The following ADAMTS17 variants were observed in gnomAD, a reference collection of about 807,000 sequenced individuals.
ADAMTS17 encodes the protein ADAM metallopeptidase with thrombospondin type 1 motif 17, also known as A disintegrin and metalloproteinase with thrombospondin motifs 17.
ADAMTS17 carries 113 observed loss-of-function variants against 141.5 expected under a neutral mutation model. The observed-to-expected ratio is 0.80, with a 90% CI of 0.69 to 0.93. The LOEUF (loss-of-function observed/expected upper bound fraction) is 0.93. Ranked by LOEUF, ADAMTS17 falls within the 40% of genes least tolerant of loss-of-function variation. The pLI is 0.00. For synonymous variants in ADAMTS17, 768 were observed against 630.6 expected (o/e 1.22, Z -3.27); for missense variants, 1,659 against 1,517.9 (o/e 1.09, Z -1.54).
At chr15:100,076,327 G>C (rs2034375402) in intron 15 of ADAMTS17, among the ~76,000 whole-genome samples, 1 of 152,206 alleles carries the variant, frequency 6.6e-6, no homozygotes, top group South Asian at 2.1e-4. Flanking sequence ...ACAGGCGTGA[G>C]CCATTGTGCC....
intron 17 of ADAMTS17, among the ~76,000 whole-genome samples, chr15:100,050,233 C>T (rs2032034695): frequency 6.6e-6 from 1 of 152,192 alleles, no homozygotes; most frequent in African/African-American, 2.4e-5. Flanking sequence ...AAAGGATTGC[C>T]ACCAAGCCAA....
At chr15:100,094,421 T>G (rs2035642403) in intron 15 of ADAMTS17, among the ~76,000 whole-genome samples, 1 of 152,250 alleles carries the variant, frequency 6.6e-6, no homozygotes, top group Admixed American at 6.5e-5. Flanking sequence ...GACATTACTG[T>G]GGCCAGATGA....
chr15:100,026,423 G>A (rs953109013), intron 18 of ADAMTS17, among the ~76,000 whole-genome samples: 2 of 152,136 alleles, frequency 1.3e-5, no homozygotes, highest in Non-Finnish European at 2.9e-5. Context: ...TCTTAAATGG[G>A]AGGCTAAAGC....
chr15:100,286,424 C>T (rs991698130), intron 3 of ADAMTS17, among the ~76,000 whole-genome samples: 6 of 152,178 alleles, frequency 3.9e-5, no homozygotes, highest in African/African-American at 7.2e-5. Context: ...CACCCCACAT[C>T]GAAGTGTTGG....
chr15:100,173,282 A>C (rs1266677910), intron 8 of ADAMTS17, among the ~76,000 whole-genome samples: 1 of 151,756 alleles, frequency 6.6e-6, no homozygotes, highest in African/African-American at 2.4e-5. Context: ...TTCACCAGAC[A>C]CTCCCTACAG....
chr15:100,186,860 G>T (rs1170234171), intron 8 of ADAMTS17, among the ~76,000 whole-genome samples: 2 of 152,182 alleles, frequency 1.3e-5, no homozygotes, highest in African/African-American at 4.8e-5. Context: ...AGCCATTCTG[G>T]AATGTTTCCT....
At chr15:100,109,208 G>C (rs1473324389) in intron 13 of ADAMTS17, 92 bp from the exon 14 acceptor site, 5 of 1,535,104 alleles carry the variant, frequency 3.3e-6, no homozygotes, top group Non-Finnish European at 3.5e-6. Context: ...GAAACCCTGA[G>C]GAAGAGAGGT....
chr15:100,281,233 TTCATGACGG>T lies in ADAMTS17; in HGVS notation c.776_784del (p.Thr259_Met261del). ...GGACCCCGGCTCCGGACTCACCATG[TTCATGACGG>T]TCAGGATGAACCTCTGGGCGGCCTC... is the stretch of plus-strand genomic sequence containing the variant. On this transcript the variant is annotated inframe_deletion, in exon 4 of 22. Transcript: ENST00000268070. The T allele has an allele frequency of 6.2e-7, 1 of 1,604,828 alleles. No individual in the cohort carries two copies. The highest frequency in any genetic ancestry group is 8.5e-7 in the Non-Finnish European group (1 of 1,179,952).
At chr15:100,122,632 G>C (rs1384834151) in intron 12 of ADAMTS17, among the ~76,000 whole-genome samples, 1 of 152,158 alleles carries the variant, frequency 6.6e-6, no homozygotes, top group Non-Finnish European at 1.5e-5. Context: ...TGGAAGTCTT[G>C]CTGATCACAT....
chr15:100,286,340 G>A (rs899770658), intron 3 of ADAMTS17, among the ~76,000 whole-genome samples: 1 of 152,160 alleles, frequency 6.6e-6, no homozygotes, highest in African/African-American at 2.4e-5. Flanking sequence ...AGTCTGACAT[G>A]CCACCGTGGC....
At chr15:100,176,133 C>T (rs2141496642) in intron 8 of ADAMTS17, among the ~76,000 whole-genome samples, 1 of 152,240 alleles carries the variant, frequency 6.6e-6, no homozygotes, top group African/African-American at 2.4e-5. Context: ...CGGTCAGTGG[C>T]CAACCACTCT....
intron 7 of ADAMTS17, among the ~76,000 whole-genome samples, chr15:100,251,205 T>C (rs1234480788): frequency 1.3e-5 from 2 of 152,144 alleles, no homozygotes; most frequent in Non-Finnish European, 2.9e-5. Flanking sequence ...AGCTGTCACG[T>C]GAAGAACAGT....
intron 15 of ADAMTS17, among the ~76,000 whole-genome samples, chr15:100,064,472 G>GGTCTT (rs2033372571): frequency 6.6e-6 from 1 of 152,136 alleles, no homozygotes; most frequent in Admixed American, 6.5e-5. Flanking sequence ...TAGTGGCCCT[G>GGTCTT]GTCTCATTCA....
At position 99,976,091 on chromosome 15, in the gene ADAMTS17, G is replaced by C. The variant is rs1442973411; in HGVS notation, c.3081C>G (p.Val1027=). 6 of 1,551,622 alleles carry C rather than the reference G, an allele frequency of 3.9e-6. No individual in the cohort carries two copies. The African/African-American group carries it at 4.1e-5, about 11-fold the overall frequency. The part of the protein sequence containing the change: ...PAPYRQCYQE[V]CNDRINANTI... Reference sequence around the variant, plus strand: ...TGTTGGCGTTGATCCTGTCGTTGCAGACCTCCTGGTAGCACTGTCTGTAGG... The same window carrying C: ...TGTTGGCGTTGATCCTGTCGTTGCACACCTCCTGGTAGCACTGTCTGTAGG... Residue 1027 remains valine, a synonymous_variant, in exon 21 of 22, where the codon GTC becomes GTG. Coordinates refer to ENST00000268070, the MANE Select transcript of ADAMTS17 (RefSeq NM_139057.4).
At chr15:100,185,454 C>T (rs78036875) in intron 8 of ADAMTS17, among the ~76,000 whole-genome samples, 8,753 of 152,254 alleles carry the variant, frequency 0.057, 306 homozygotes, top group East Asian at 0.12. Flanking sequence ...GAATCAAGAA[C>T]ATGAGGGTCT....
intron 20 of ADAMTS17, among the ~76,000 whole-genome samples, chr15:99,990,403 C>T (rs190378444): frequency 1.3e-5 from 2 of 152,296 alleles, no homozygotes; most frequent in Non-Finnish European, 2.9e-5. Flanking sequence ...TACATCCTGG[C>T]AGCTCCATAC....
At chr15:100,072,862 C>G (rs1362769076) in intron 15 of ADAMTS17, among the ~76,000 whole-genome samples, 1 of 152,158 alleles carries the variant, frequency 6.6e-6, no homozygotes, top group Non-Finnish European at 1.5e-5. Context: ...GACTTCATGT[C>G]TAAAACACCA....
intron 7 of ADAMTS17, among the ~76,000 whole-genome samples, chr15:100,220,196 C>T (rs2042089153): frequency 1.3e-5 from 2 of 151,782 alleles, no homozygotes; most frequent in Non-Finnish European, 3.0e-5. Context: ...TGTCAGGCGT[C>T]CCTACCAGCA....
chr15:100,036,056 A>G (rs971315943), intron 18 of ADAMTS17, among the ~76,000 whole-genome samples: 20 of 152,116 alleles, frequency 1.3e-4, no homozygotes, highest in African/African-American at 4.8e-4. Context: ...GGTGTCTCCA[A>G]TGTGATGCTC....
Sources: allele counts gnomAD v4.1 joint callset (sites outside exome capture counted in the v4.1 genomes callset), GRCh38; gene constraint gnomAD v4.1.1; transcripts MANE v1.5; gene names NCBI Gene and HGNC (gene_info 2026-07-23, HGNC 2026-07-21).